KAZN: variants seen among roughly 807,000 people sequenced by gnomAD.
KAZN encodes the protein kazrin, periplakin interacting protein.
A neutral mutation model predicts 87.4 loss-of-function variants in KAZN; 40 were observed. That is an observed-to-expected ratio of 0.46 (90% confidence interval 0.36 to 0.60). The LOEUF (loss-of-function observed/expected upper bound fraction) is 0.60. Among genes scored for constraint, KAZN ranks in the 20% least tolerant of loss-of-function variants. KAZN has a pLI of 0.00. For missense variants in KAZN, 898 were observed against 1,073.9 expected (o/e 0.84, Z 2.29); for synonymous variants, 466 against 458.3 (o/e 1.02, Z -0.22).
intron 2 of KAZN, among the ~76,000 whole-genome samples, chr1:14,983,059 G>A (rs944917113): frequency 1.3e-5 from 2 of 152,192 alleles, no homozygotes; most frequent in Non-Finnish European, 2.9e-5. Context: ...CTAACAAATC[G>A]CTTTTGCCTG....
chr1:13,924,642 A>T (rs1005435047), intron 1 of KAZN, among the ~76,000 whole-genome samples: 3 of 152,098 alleles, frequency 2.0e-5, no homozygotes, highest in African/African-American at 7.2e-5. Flanking sequence ...AAAGAATACA[A>T]CCATTTGTGT....
At chr1:14,352,215 G>A (rs1361970455) in intron 2 of KAZN, among the ~76,000 whole-genome samples, 1 of 151,890 alleles carries the variant, frequency 6.6e-6, no homozygotes, top group Non-Finnish European at 1.5e-5. Context: ...CTACATACAT[G>A]GTTATGTACA....
At chr1:14,743,238 C>G (rs1644162202) in intron 1 of KAZN, among the ~76,000 whole-genome samples, 2 of 151,908 alleles carry the variant, frequency 1.3e-5, no homozygotes, top group Non-Finnish European at 2.9e-5. Flanking sequence ...TCGAGACCAG[C>G]CTGGCCAACA....
At chr1:14,302,361 T>G (rs116692702) in intron 2 of KAZN, among the ~76,000 whole-genome samples, 134 of 152,232 alleles carry the variant, frequency 8.8e-4, no homozygotes, top group African/African-American at 3.0e-3. Context: ...CCAAAGGACG[T>G]GAAGAAGTGA....
intron 1 of KAZN, among the ~76,000 whole-genome samples, chr1:14,061,058 T>A (rs1399990137): frequency 6.6e-6 from 1 of 152,186 alleles, no homozygotes; most frequent in Non-Finnish European, 1.5e-5. Flanking sequence ...GAGAAAAATC[T>A]AGAAGCACAA....
intron 2 of KAZN, among the ~76,000 whole-genome samples, chr1:14,275,231 A>G (rs1652255151): frequency 1.3e-5 from 2 of 152,124 alleles, no homozygotes; most frequent in African/African-American, 2.4e-5. Context: ...TATTATTCCC[A>G]TGCAGTCCTT....
At chr1:14,326,202 C>G (rs1428018574) in intron 2 of KAZN, among the ~76,000 whole-genome samples, 1 of 152,238 alleles carries the variant, frequency 6.6e-6, no homozygotes, top group East Asian at 1.9e-4. Flanking sequence ...CCCCTACCCC[C>G]GCCCCACCGC....
intron 2 of KAZN, among the ~76,000 whole-genome samples, chr1:14,195,266 C>G (rs1570986097): frequency 6.6e-6 from 1 of 152,226 alleles, no homozygotes; most frequent in Middle Eastern, 3.4e-3. Flanking sequence ...TCTTCCAGAG[C>G]CCAGGAATTG....
chr1:14,465,407 A>C (rs1001416987), intron 2 of KAZN, among the ~76,000 whole-genome samples: 10 of 151,124 alleles, frequency 6.6e-5, no homozygotes, highest in Non-Finnish European at 1.2e-4. Context: ...TCAAAAAAAA[A>C]AAAAAAAAAA....
chr1:14,303,773 AG>A (rs1016059050), intron 2 of KAZN, among the ~76,000 whole-genome samples: 1 of 152,140 alleles, frequency 6.6e-6, no homozygotes, highest in Non-Finnish European at 1.5e-5. Flanking sequence ...AGTCTTTTTT[AG>A]GCATCTCCAG....
At chr1:14,022,565 T>C (rs1359741072) in intron 1 of KAZN, among the ~76,000 whole-genome samples, 1 of 143,442 alleles carries the variant, frequency 7.0e-6, no homozygotes, top group African/African-American at 2.9e-5. Flanking sequence ...GTGGATTTTA[T>C]ATGTCGTATG....
At chr1:14,789,272 T>C (rs1645601402) in intron 1 of KAZN, among the ~76,000 whole-genome samples, 1 of 151,996 alleles carries the variant, frequency 6.6e-6, no homozygotes, top group Non-Finnish European at 1.5e-5. Flanking sequence ...ACTAGAGCCA[T>C]CCCAGAGTCA....
At chr1:15,080,068 A>G (rs1557784056) in intron 8 of KAZN, among the ~76,000 whole-genome samples, 1 of 152,140 alleles carries the variant, frequency 6.6e-6, no homozygotes, top group Non-Finnish European at 1.5e-5. Flanking sequence ...CAACCCCAGG[A>G]TCTCAATTCC....
chr1:15,055,987 A>G, intron 4 of KAZN, 104 bp from the exon 5 acceptor site: 2 of 1,127,604 alleles, frequency 1.8e-6, no homozygotes, highest in South Asian at 1.4e-5. Flanking sequence ...TACCCGGTGC[A>G]GAGGATCCGG....
chr1:14,658,382 A>G (rs4661510), intron 1 of KAZN, among the ~76,000 whole-genome samples: 1 of 152,098 alleles, frequency 6.6e-6, no homozygotes, highest in Non-Finnish European at 1.5e-5. Flanking sequence ...ATTATTATTC[A>G]CTGTTTCACC....
chr1:14,998,400 T>C (rs554748861), intron 2 of KAZN, among the ~76,000 whole-genome samples: 242 of 117,908 alleles, frequency 2.1e-3, no homozygotes, highest in African/African-American at 0.015. Flanking sequence ...AGGCTGTGTG[T>C]ATGTGGCGGG....
chr1:14,858,208 T>G (rs190825024), intron 1 of KAZN, among the ~76,000 whole-genome samples: 2 of 116,350 alleles, frequency 1.7e-5, no homozygotes, highest in Admixed American at 1.8e-4. Flanking sequence ...TTTTTCTTTT[T>G]CTTTTCTTTT....
chr1:14,710,694 C>T (rs1642439293), intron 1 of KAZN, among the ~76,000 whole-genome samples: 1 of 152,258 alleles, frequency 6.6e-6, no homozygotes, highest in East Asian at 1.9e-4. Flanking sequence ...TTGCCCCAGC[C>T]CTCGCTGTCT....
Position 15,010,004 on chromosome 1 carries a change from A to AC in KAZN, c.419-24745_419-24744insC, listed in dbSNP as rs530746786. Among the ~76,000 whole-genome samples the AC allele has an allele frequency of 4.1e-4, 63 of 152,336 alleles. No homozygotes were observed. The East Asian group carries it at 0.01, about 25-fold the overall frequency. On this transcript the variant is annotated intron_variant, in intron 2 of 14. Coordinates refer to ENST00000376030, the MANE Select transcript of KAZN (RefSeq NM_201628.3). ...ATGATCAGATACTGTTATTACTCAA[A>AC]TTTCCTATTGACTCATAAATTCTGT... is the stretch of plus-strand genomic sequence containing the variant.
Sources: gnomAD v4.1 joint callset for allele counts (sites outside exome capture counted in the v4.1 genomes callset) on GRCh38, gnomAD v4.1.1 for gene constraint, MANE v1.5 for transcripts, NCBI Gene and HGNC (gene_info 2026-07-23, HGNC 2026-07-21) for gene names.